The following TSPAN33 variants were observed in gnomAD, a reference collection of about 807,000 sequenced individuals.
TSPAN33 encodes the protein tetraspanin-33.
Under a neutral mutation model 34.8 loss-of-function variants are expected in TSPAN33, and 27 were observed. The ratio of observed to expected loss-of-function variants is 0.78; its 90% CI spans 0.57 to 1.07. The LOEUF (loss-of-function observed/expected upper bound fraction) is 1.07. Ranked by LOEUF, TSPAN33 falls within the 50% of genes least tolerant of loss-of-function variation. TSPAN33 has a pLI of 0.00. For missense variants in TSPAN33, 272 were observed against 324.9 expected (o/e 0.84, Z 1.25); for synonymous variants, 119 against 124.2 (o/e 0.96, Z 0.28).
chr7:129,158,942 G>A (rs1300217687), intron 1 of TSPAN33, among the ~76,000 whole-genome samples: 1 of 151,718 alleles, frequency 6.6e-6, no homozygotes, highest in Non-Finnish European at 1.5e-5. Context: ...GTAGAGATGG[G>A]GTTTCACCAT....
chr7:129,162,831 A>C lies in TSPAN33; in HGVS notation c.289-2A>C. 1 of 1,613,746 alleles carries C rather than the reference A, an allele frequency of 6.2e-7. No individual in the cohort carries two copies. Among genetic ancestry groups the C allele is most frequent in the Non-Finnish European group, 8.5e-7 (1 of 1,179,940 alleles). ...ACGCCTCTTCTTCCTGCTGCTCCACAGTTCTCCCTCTGCCTCACCGCTGTG... is the reference window on the plus strand; with the variant it reads ...ACGCCTCTTCTTCCTGCTGCTCCACCGTTCTCCCTCTGCCTCACCGCTGTG... On this transcript the variant is annotated splice_acceptor_variant, in intron 3 of 7. Coordinates refer to ENST00000486685, the MANE Select transcript of TSPAN33 (RefSeq NM_178562.5). LOFTEE classifies it high-confidence loss of function.
chr7:129,155,289 T>G (rs1385655027), intron 1 of TSPAN33, among the ~76,000 whole-genome samples: 2 of 152,182 alleles, frequency 1.3e-5, no homozygotes, highest in East Asian at 3.9e-4. Context: ...GGTTCATAGG[T>G]ACAAACATAT....
At chr7:129,157,784 G>A (rs546874812) in intron 1 of TSPAN33, among the ~76,000 whole-genome samples, 7 of 152,308 alleles carry the variant, frequency 4.6e-5, no homozygotes, top group African/African-American at 1.4e-4. Context: ...CCATATCCAC[G>A]CATGGATTAA....
chr7:129,153,517 A>G (rs1810628586), intron 1 of TSPAN33, among the ~76,000 whole-genome samples: 1 of 152,234 alleles, frequency 6.6e-6, no homozygotes, highest in South Asian at 2.1e-4. Context: ...AAGGAGAGTT[A>G]ATCTCTAAAT....
rs1563139757 is a variant in TSPAN33 at position 129,167,401 on chromosome 7, A to G, written c.591A>G (p.Ala197=). The stretch of plus-strand genomic sequence containing the variant: ...TGGCTTTTCAACTCTTTCCCCAGGC[A>G]GTGATCAACACTATGTGTGGCCAAG... ...YSCCLPTPDQ[A]VINTMCGQGM... Residue 197 remains alanine (A), a splice_region_variant and synonymous_variant, in exon 7 of 8, where the codon GCA becomes GCG. Transcript: ENST00000486685. The surrounding 1 kb of genome is among the most constrained non-coding windows in gnomAD (Gnocchi z 4.6). 1 of 1,608,046 alleles carries G rather than the reference A, an allele frequency of 6.2e-7. No individual in the cohort carries two copies. Among genetic ancestry groups the G allele is most frequent in the Non-Finnish European group, 8.5e-7 (1 of 1,175,476 alleles).
chr7:129,166,079 A>G (rs1007292447), intron 5 of TSPAN33, among the ~76,000 whole-genome samples: 1 of 152,002 alleles, frequency 6.6e-6, no homozygotes, highest in Non-Finnish European at 1.5e-5. Flanking sequence ...CTGGGATTAC[A>G]GGTGCCTGCC....
At position 129,169,684 on chromosome 7, in the gene TSPAN33, G is replaced by T. The variant is rs1793203729; in HGVS notation, c.*1810G>T. ...CGGAAAGAAAAAATAAAATTATCCA[G>T]AATCTAGAATAAAAAGTAAGGGCCT... is the stretch of plus-strand genomic sequence containing the variant. On this transcript the variant is annotated 3_prime_UTR_variant, in exon 8 of 8. Transcript: ENST00000486685. 2.6e-5 allele frequency: 4 copies of T among 152,214 alleles called. No individual in the cohort carries two copies. The highest frequency in any genetic ancestry group is 9.6e-5 in the African/African-American group (4 of 41,456). The allele number at this position is 152,214 out of a possible 1,614,324, so 9.4% of individuals were successfully genotyped here.
intron 1 of TSPAN33, among the ~76,000 whole-genome samples, chr7:129,149,292 T>C (rs1317816525): frequency 6.6e-6 from 1 of 152,170 alleles, no homozygotes; most frequent in Non-Finnish European, 1.5e-5. Flanking sequence ...GCGCGGTGGC[T>C]CATGCCTGTA....
Position 129,161,679 on chromosome 7 carries a change from G to T in TSPAN33, c.103G>T (p.Val35Leu). 6.2e-7 allele frequency: 1 copy of T among 1,614,138 alleles called. No individual in the cohort carries two copies. The highest frequency in any genetic ancestry group is 8.5e-7 in the Non-Finnish European group (1 of 1,179,998). ...TCTGGCTCTTTTCCTGTCTCCACAG[G>T]TGATTTCCATGGTGATGGTGGCTGT... Reference protein sequence around the residue: ...LLFFFNMLFWVISMVMVAVGV... With the variant: ...LLFFFNMLFWLISMVMVAVGV... The change falls in exon 2 of 8, where the codon GTG becomes TTG. Residue 35 changes from valine to leucine, a missense_variant and splice_region_variant. Coordinates refer to ENST00000486685, the MANE Select transcript of TSPAN33 (RefSeq NM_178562.5).
chr7:129,152,925 G>T (rs1287139796), intron 1 of TSPAN33, among the ~76,000 whole-genome samples: 5 of 151,516 alleles, frequency 3.3e-5, no homozygotes, highest in African/African-American at 1.2e-4. Flanking sequence ...AGGTTTGGTG[G>T]CACATACCTG....
At chr7:129,154,187 G>T (rs1241984472) in intron 1 of TSPAN33, among the ~76,000 whole-genome samples, 1 of 150,944 alleles carries the variant, frequency 6.6e-6, no homozygotes, top group Non-Finnish European at 1.5e-5. Flanking sequence ...TAAAAATCAG[G>T]TGAGTGTCAT....
In TSPAN33 at chr7:129,167,733, A is replaced by C. The variant is rs1388890479; in HGVS notation, c.751-40A>C. On this transcript the variant is annotated intron_variant, in intron 7 of 7. Coordinates refer to ENST00000486685, the MANE Select transcript of TSPAN33 (RefSeq NM_178562.5). The surrounding 1 kb of genome is among the most constrained non-coding windows in gnomAD (Gnocchi z 4.6). ...TCGAGCCAGGGAAAACAAGGCCATC[A>C]CTCACTGCTGAGTGCCCAATTCCTT... 1 of 1,603,960 alleles carries C rather than the reference A, an allele frequency of 6.2e-7. No homozygotes were observed. The highest frequency in any genetic ancestry group is 1.3e-5 in the African/African-American group (1 of 74,814).
chr7:129,162,275 C>A, intron 2 of TSPAN33, 119 bp from the exon 3 acceptor site: 1 of 1,483,830 alleles, frequency 6.7e-7, no homozygotes, highest in Non-Finnish European at 9.1e-7. Context: ...AACCTTCATC[C>A]AACCATAATG....
At chr7:129,166,484 T>C (rs1349954170) in intron 5 of TSPAN33, 3 of 231,364 alleles carry the variant, frequency 1.3e-5, no homozygotes, top group Non-Finnish European at 2.5e-5. Context: ...CAGAAACTTC[T>C]CTCAAGAAGA....
At chr7:129,155,563 A>G (rs930608347) in intron 1 of TSPAN33, among the ~76,000 whole-genome samples, 1 of 152,182 alleles carries the variant, frequency 6.6e-6, no homozygotes, top group African/African-American at 2.4e-5. Context: ...GAGTTCCTAT[A>G]TACCCCATAC....
At chr7:129,164,678 G>A in intron 5 of TSPAN33, 109 bp downstream of exon 5, 1 of 1,048,486 alleles carries the variant, frequency 9.5e-7, no homozygotes, top group Middle Eastern at 2.5e-4. Context: ...CCAGGTAATG[G>A]CTTCTGGGAA....
Position 129,162,378 on chromosome 7 carries a change from C to T in TSPAN33, c.161-16C>T. Reference sequence around the variant, plus strand: ...GTGGGCACCAGGCTCAGGCTGAGGGCCGGCTCCTTTTCCAGAAGCAGCCCT... The same window carrying T: ...GTGGGCACCAGGCTCAGGCTGAGGGTCGGCTCCTTTTCCAGAAGCAGCCCT... On this transcript the variant is annotated splice_polypyrimidine_tract_variant and intron_variant, in intron 2 of 7. Coordinates refer to ENST00000486685, the MANE Select transcript of TSPAN33 (RefSeq NM_178562.5). 1.9e-6 allele frequency: 3 copies of T among 1,610,362 alleles called. No homozygotes were observed. The highest frequency in any genetic ancestry group is 2.5e-6 in the Non-Finnish European group (3 of 1,179,948).
intron 1 of TSPAN33, among the ~76,000 whole-genome samples, chr7:129,153,368 T>A (rs1002645860): frequency 6.6e-6 from 1 of 152,216 alleles, no homozygotes; most frequent in African/African-American, 2.4e-5. Flanking sequence ...CTGAACTGTT[T>A]ACTTTAAAAT....
At position 129,144,765 on chromosome 7, in the gene TSPAN33, G is replaced by C. The variant is rs1412978674; in HGVS notation, c.-216G>C. On this transcript the variant is annotated 5_prime_UTR_variant, in exon 1 of 8. Transcript: ENST00000486685. ...CCGCGGGTGAGTCTCGTCCGCTCGC[G>C]CTGCCCACCGCGGCTCCAGCAGCTC... 22 of 143,612 alleles carry C rather than the reference G, an allele frequency of 1.5e-4. No individual in the cohort carries two copies. In the East Asian group the frequency reaches 4.3e-3, roughly 28 times the overall value. 8.9% of individuals were successfully genotyped at this position (143,612 alleles called of 1,614,324 possible). A position where few individuals can be genotyped will look rare whatever the true frequency, so the allele number is the denominator to read the frequency against.
Sources: gnomAD v4.1 joint callset for allele counts (sites outside exome capture counted in the v4.1 genomes callset) on GRCh38, gnomAD v4.1.1 for gene constraint, Gnocchi (gnomAD v3.1) non-coding constraint, MANE v1.5 for transcripts, NCBI Gene and HGNC (gene_info 2026-07-23, HGNC 2026-07-21) for gene names.